CFAP46: variants seen among roughly 807,000 people sequenced by gnomAD.
CFAP46 encodes the protein cilia- and flagella-associated protein 46.
CFAP46 carries 245 observed loss-of-function variants against 325.7 expected under a neutral mutation model. The ratio of observed to expected loss-of-function variants is 0.75; its 90% confidence interval spans 0.68 to 0.84. CFAP46 has a LOEUF of 0.84. Ranked by LOEUF, CFAP46 falls within the 40% of genes least tolerant of loss-of-function variation. The pLI, the probability that CFAP46 is intolerant of heterozygous loss-of-function variation, is 0.00. For missense variants in CFAP46, 3,346 were observed against 3,543.0 expected (o/e 0.94, Z 1.41); for synonymous variants, 1,523 against 1,495.9 (o/e 1.02, Z -0.42).
intron 19 of CFAP46, 142 bp from the exon 20 acceptor site, chr10:132,910,210 C>G: frequency 1.4e-6 from 1 of 735,482 alleles, no homozygotes; most frequent in Non-Finnish European, 1.9e-6. Flanking sequence ...TCAGGCCCAC[C>G]AGCGGCTGCA....
chr10:132,824,944 TGTGCTGATGTGTGCTGTGTGA>T (rs1481919510), intron 50 of CFAP46, among the ~76,000 whole-genome samples: 4 of 143,288 alleles, frequency 2.8e-5, no homozygotes, highest in Non-Finnish European at 4.5e-5. Flanking sequence ...GTGCTGTGTG[TGTGCTGATGTGTGCTGTGTGA>T]GTGCTGATGT....
intron 10 of CFAP46, among the ~76,000 whole-genome samples, 199 bp from the exon 11 acceptor site, chr10:132,925,085 G>A (rs1849789843): frequency 6.6e-6 from 1 of 152,228 alleles, no homozygotes; most frequent in Admixed American, 6.5e-5. Context: ...GATATTACAT[G>A]CAGGAGGCTT....
intron 24 of CFAP46, among the ~76,000 whole-genome samples, chr10:132,895,623 T>C (rs1849307452): frequency 6.6e-6 from 1 of 152,144 alleles, no homozygotes; most frequent in South Asian, 2.1e-4. Flanking sequence ...TTCAGAAAAG[T>C]TGCAGGGCAC....
Position 132,913,135 on chromosome 10 carries a change from G to C in CFAP46, c.2244C>G (p.Asn748Lys). Reference protein sequence around the residue: ...QNAVVYVLNHNHHLILAGRQK... With the variant: ...QNAVVYVLNHKHHLILAGRQK... ...GCCGCCCGGCCAGGATCAGGTGGTG[G>C]TTGTGGTTCAGGACGTAGACCACGG... Residue 748 changes from asparagine (N) to lysine (K), a missense_variant, in exon 18 of 58, where the codon AAC becomes AAG. Transcript: ENST00000368586. 6.4e-7 allele frequency: 1 copy of C among 1,550,432 alleles called. No homozygotes were observed. Among genetic ancestry groups the C allele is most frequent in the Non-Finnish European group, 8.7e-7 (1 of 1,146,984 alleles).
chr10:132,854,622 C>T (rs1848612977), intron 39 of CFAP46, among the ~76,000 whole-genome samples: 1 of 152,168 alleles, frequency 6.6e-6, no homozygotes, highest in African/African-American at 2.4e-5. Flanking sequence ...CACGCATGAG[C>T]CACTGTGCCC....
chr10:132,922,488 C>A lies in CFAP46; in HGVS notation c.1477G>T (p.Val493Phe). 1 of 1,533,178 alleles carries A rather than the reference C, an allele frequency of 6.5e-7. No individual in the cohort carries two copies. The highest frequency in any genetic ancestry group is 8.8e-7 in the Non-Finnish European group (1 of 1,136,752). 95.0% of individuals were successfully genotyped at this position (1,533,178 alleles called of 1,614,324 possible). A position where few individuals can be genotyped will look rare whatever the true frequency, so the allele number is the denominator to read the frequency against. Residue 493 changes from valine (V) to phenylalanine (F), a missense_variant, in exon 12 of 58, where the codon GTT (valine) becomes TTT (phenylalanine). By Grantham distance (50) the Val-to-Phe change is conservative. Coordinates refer to ENST00000368586, the MANE Select transcript of CFAP46 (RefSeq NM_001200049.3). ...ERAEDKAIMAVEQAKKATPKD... is the reference protein window; with the variant it reads ...ERAEDKAIMAFEQAKKATPKD... ...CTTCCCCGGGGCGGCACCTGCTCAACGGCCATGATGGCCTTGTCCTCTGCG... is the reference window on the plus strand; with the variant it reads ...CTTCCCCGGGGCGGCACCTGCTCAAAGGCCATGATGGCCTTGTCCTCTGCG...
In CFAP46 at chr10:132,942,425, C is replaced by A. The variant is rs1447016687; in HGVS notation, c.49+11G>T. The A allele has an allele frequency of 1.7e-6, 2 of 1,164,162 alleles. No individual in the cohort carries two copies. The highest frequency in any genetic ancestry group is 2.5e-5 in the South Asian group (1 of 40,810). The allele number at this position is 1,164,162 out of a possible 1,614,324, so 72.1% of individuals were successfully genotyped here. The stretch of plus-strand genomic sequence containing the variant: ...TCCCCGGGGCGGGGGTCGTGGCGGG[C>A]CTGGGGTCACCTTGCTGGCTCTCGG... On this transcript the variant is annotated intron_variant, in intron 1 of 57. Coordinates refer to ENST00000368586, the MANE Select transcript of CFAP46 (RefSeq NM_001200049.3).
intron 20 of CFAP46, 73 bp downstream of exon 20, chr10:132,909,846 C>A: frequency 7.5e-7 from 1 of 1,332,318 alleles, no homozygotes; most frequent in Non-Finnish European, 9.6e-7. Context: ...GGGGCCCCAC[C>A]ACCCCCGGCT....
chr10:132,864,054 C>A (rs1848765327), intron 35 of CFAP46, among the ~76,000 whole-genome samples: 1 of 148,042 alleles, frequency 6.8e-6, no homozygotes, highest in Non-Finnish European at 1.5e-5. Flanking sequence ...ACACCTGTCC[C>A]CCTGCCTGAG....
At chr10:132,872,388 C>A (rs779316972) in intron 32 of CFAP46, 3 of 389,706 alleles carry the variant, frequency 7.7e-6, no homozygotes, top group Non-Finnish European at 1.5e-5. Flanking sequence ...TGAGTAGTTG[C>A]GACAACAGGT....
intron 44 of CFAP46, among the ~76,000 whole-genome samples, chr10:132,842,842 C>T (rs1004623758): frequency 6.6e-6 from 1 of 152,148 alleles, no homozygotes; most frequent in African/African-American, 2.4e-5. Context: ...AGGTCTTTTC[C>T]TCTTCTCATA....
chr10:132,937,846 C>G (rs1481591290), intron 5 of CFAP46, among the ~76,000 whole-genome samples, 171 bp from the exon 6 acceptor site: 1 of 152,204 alleles, frequency 6.6e-6, no homozygotes, highest in Admixed American at 6.5e-5. Context: ...GAAGGGCCAG[C>G]AGGTGCCAGA....
rs1396979086 is a variant in CFAP46, at chr10:132,860,493, C to T, written c.5122G>A (p.Ala1708Thr). The change falls in exon 37 of 58, where the codon GCC becomes ACC. Residue 1708 changes from alanine (A) to threonine (T), a missense_variant. Ala to Thr is a moderately conservative substitution (Grantham distance 58). Coordinates refer to ENST00000368586, the MANE Select transcript of CFAP46 (RefSeq NM_001200049.3). ...VCHIFQKLIN[A>T]FKILKKERPN... ...CTTTCTTTCTTGAGGATCTTGAAGG[C>T]ATTGATGAGCTTCTGAAATATGTGA... The T allele has an allele frequency of 3.2e-6, 5 of 1,550,982 alleles. No homozygotes were observed. The Admixed American group carries it at 5.9e-5, about 18-fold the overall frequency.
intron 24 of CFAP46, among the ~76,000 whole-genome samples, chr10:132,898,354 G>C (rs905914595): frequency 3.3e-5 from 5 of 152,212 alleles, no homozygotes; most frequent in African/African-American, 1.2e-4. Context: ...AAGCTGGCCA[G>C]GCTCCTGCTC....
intron 24 of CFAP46, among the ~76,000 whole-genome samples, chr10:132,894,488 A>G (rs1284461984): frequency 6.6e-6 from 1 of 152,212 alleles, no homozygotes; most frequent in Non-Finnish European, 1.5e-5. Context: ...GAGCACAGAC[A>G]AAAATAGATA....
chr10:132,891,397 A>G (rs1254821588), intron 25 of CFAP46, among the ~76,000 whole-genome samples: 1 of 152,208 alleles, frequency 6.6e-6, no homozygotes, highest in Non-Finnish European at 1.5e-5. Flanking sequence ...ATGGACCAGC[A>G]TCCACATGAA....
chr10:132,833,598 T>G (rs1442324328), intron 49 of CFAP46, 73 bp from the exon 50 acceptor site: 6 of 1,512,658 alleles, frequency 4.0e-6, no homozygotes, highest in Non-Finnish European at 5.4e-6. Context: ...GGGCTCCGTC[T>G]TCTGACTTGG....
chr10:132,848,629 G>A (rs553944201), intron 41 of CFAP46, among the ~76,000 whole-genome samples: 2 of 152,344 alleles, frequency 1.3e-5, no homozygotes, highest in African/African-American at 4.8e-5. Context: ...GCTCCCTAAA[G>A]ACACACCCGC....
intron 24 of CFAP46, chr10:132,898,668 G>A: frequency 2.1e-6 from 1 of 476,082 alleles, no homozygotes; most frequent in South Asian, 2.0e-5. Context: ...CTTAAGGCAG[G>A]GACTGTGCTG....
Sources: gnomAD v4.1 joint callset for allele counts (sites outside exome capture counted in the v4.1 genomes callset) on GRCh38, gnomAD v4.1.1 for gene constraint, MANE v1.5 for transcripts, NCBI Gene and HGNC (gene_info 2026-07-23, HGNC 2026-07-21) for gene names.